PPP2R2B: variants seen among roughly 807,000 people sequenced by gnomAD.
The protein encoded by PPP2R2B is protein phosphatase 2 regulatory subunit Bbeta.
In PPP2R2B, 5 loss-of-function variants were observed where a neutral mutation model predicts 46.0. The observed-to-expected ratio is 0.11, with a 90% CI of 0.06 to 0.23. PPP2R2B has a LOEUF of 0.23. Among genes scored for constraint, PPP2R2B ranks in the 10% least tolerant of loss-of-function variants. The pLI is 1.00. For synonymous variants in PPP2R2B, 215 were observed against 206.7 expected, an observed-to-expected ratio of 1.04 and a Z score of -0.34; for missense variants, 367 against 575.0, an observed-to-expected ratio of 0.64 and a Z score of 3.70.
chr5:146,686,447 T>A (rs1248679461), intron 5 of PPP2R2B, among the ~76,000 whole-genome samples: 2 of 152,170 alleles, frequency 1.3e-5, no homozygotes, highest in Admixed American at 6.5e-5. Flanking sequence ...TGGCTTCAGA[T>A]GATCTGGAGA....
intron 2 of PPP2R2B, among the ~76,000 whole-genome samples, chr5:146,768,038 T>G (rs1754598916): frequency 6.6e-6 from 1 of 152,142 alleles, no homozygotes; most frequent in Admixed American, 6.6e-5. Context: ...GCATTGTCAT[T>G]TGAAAGGATC....
chr5:146,744,347 T>G (rs1354588536), intron 2 of PPP2R2B, among the ~76,000 whole-genome samples: 1 of 152,204 alleles, frequency 6.6e-6, no homozygotes, highest in African/African-American at 2.4e-5. Flanking sequence ...CAATGAAAGC[T>G]ATTTGCTCTT....
chr5:147,006,629 G>A (rs1323201147), intron 1 of PPP2R2B, among the ~76,000 whole-genome samples: 1 of 152,092 alleles, frequency 6.6e-6, no homozygotes, highest in Admixed American at 6.6e-5. Context: ...TTCTCAGACA[G>A]TTTGCAAGAA....
rs1330579049 is a variant in PPP2R2B, at chr5:146,586,596, G to T, written c.*3351C>A. 1 of 152,190 alleles carries T rather than the reference G, an allele frequency of 6.6e-6. No homozygotes were observed. The highest frequency in any genetic ancestry group is 1.5e-5 in the Non-Finnish European group (1 of 68,036). 9.4% of individuals were successfully genotyped at this position (152,190 alleles called of 1,614,324 possible). On this transcript the variant is annotated 3_prime_UTR_variant, in exon 10 of 10. Transcript: ENST00000394411. ...CTGACTTATTTCATTGGGCCACTGA[G>T]CTAGCAGAATTTTAGCTTCATCTTT...
At chr5:146,840,829 T>C (rs1364187621) in intron 2 of PPP2R2B, among the ~76,000 whole-genome samples, 2 of 152,210 alleles carry the variant, frequency 1.3e-5, no homozygotes, top group Non-Finnish European at 2.9e-5. Context: ...TTGTCTGTAA[T>C]GTGTGAGACA....
chr5:146,832,455 G>A (rs1296688139), intron 2 of PPP2R2B, among the ~76,000 whole-genome samples: 2 of 132,766 alleles, frequency 1.5e-5, no homozygotes, highest in Admixed American at 8.7e-5. Context: ...GCAGTGAAGC[G>A]ATGTTGGCTC....
chr5:146,790,777 G>C (rs553080191), intron 2 of PPP2R2B, among the ~76,000 whole-genome samples: 1 of 152,340 alleles, frequency 6.6e-6, no homozygotes, highest in South Asian at 2.1e-4. Context: ...GGCAGGAAGA[G>C]TGAAGCATTA....
rs187338658 is a variant in PPP2R2B at position 147,064,603 on chromosome 5, A to G, written c.50+16456T>C. Among the ~76,000 whole-genome samples, 57 of 152,328 alleles carry G rather than the reference A, an allele frequency of 3.7e-4. No homozygotes were observed. The South Asian group carries it at 0.011, about 29-fold the overall frequency. On this transcript the variant is annotated intron_variant, in intron 2 of 10. Transcript: ENST00000394413. ...TTGATTAGAATAAAGAAGAACTAAG[A>G]TCTGTGTGTAATTCTTTATACCTTA...
intron 2 of PPP2R2B, among the ~76,000 whole-genome samples, chr5:146,826,842 G>C (rs1023496456): frequency 3.3e-5 from 5 of 151,794 alleles, no homozygotes; most frequent in Non-Finnish European, 7.4e-5. Flanking sequence ...TATCACTTCT[G>C]CCTACACCAT....
At chr5:146,988,067 A>G (rs2151859856) in intron 1 of PPP2R2B, among the ~76,000 whole-genome samples, 1 of 152,136 alleles carries the variant, frequency 6.6e-6, no homozygotes, top group South Asian at 2.1e-4. Flanking sequence ...GCCGGAGGAT[A>G]TAACAGTTGT....
intron 2 of PPP2R2B, among the ~76,000 whole-genome samples, chr5:146,872,171 C>G (rs1398076331): frequency 6.6e-6 from 1 of 152,150 alleles, no homozygotes. Flanking sequence ...CTGACCAGCA[C>G]TCATAAAGGG....
chr5:146,980,612 A>G (rs1219855175), intron 1 of PPP2R2B, among the ~76,000 whole-genome samples: 4 of 152,178 alleles, frequency 2.6e-5, no homozygotes, highest in African/African-American at 7.2e-5. Flanking sequence ...GTGGAACTAG[A>G]TGGGCTGGGA....
chr5:146,913,047 C>T (rs1763249609), intron 1 of PPP2R2B, among the ~76,000 whole-genome samples: 1 of 152,154 alleles, frequency 6.6e-6, no homozygotes, highest in Non-Finnish European at 1.5e-5. Context: ...TTGCCTAATG[C>T]TTTATTTCAG....
intron 8 of PPP2R2B, among the ~76,000 whole-genome samples, chr5:146,595,488 A>G (rs1771085804): frequency 6.6e-6 from 1 of 152,228 alleles, no homozygotes; most frequent in South Asian, 2.1e-4. Flanking sequence ...AGCAGGAATG[A>G]CATTGCTGAG....
chr5:146,806,336 T>C (rs1757175667), intron 2 of PPP2R2B, among the ~76,000 whole-genome samples: 1 of 152,210 alleles, frequency 6.6e-6, no homozygotes, highest in African/African-American at 2.4e-5. Context: ...ATGCTTCATT[T>C]CCACCTTTCC....
chr5:146,722,863 G>C (rs1172000487), intron 2 of PPP2R2B, among the ~76,000 whole-genome samples: 5 of 152,128 alleles, frequency 3.3e-5, no homozygotes, highest in Non-Finnish European at 7.4e-5. Flanking sequence ...CATTTCTTTT[G>C]ATTAAAAAAC....
At chr5:146,677,804 A>G (rs1375160387) in intron 5 of PPP2R2B, among the ~76,000 whole-genome samples, 6 of 152,070 alleles carry the variant, frequency 3.9e-5, no homozygotes, top group African/African-American at 9.7e-5. Flanking sequence ...CTGGGATTAC[A>G]GGCGTGTACC....
chr5:146,742,160 G>A lies in PPP2R2B; in HGVS notation c.71-41018C>T, dbSNP rs535837386. ...TAACCATCTCAACAGCCGCCGGGGG[G>A]AACTTTGCTGTGATACTGCAGGAAA... On this transcript the variant is annotated intron_variant, in intron 2 of 9. Transcript: ENST00000394411. Among the ~76,000 whole-genome samples, 9 of 152,278 alleles carry A rather than the reference G, an allele frequency of 5.9e-5. No individual in the cohort carries two copies. In the South Asian group the frequency reaches 1.9e-3, roughly 32 times the overall value.
intron 2 of PPP2R2B, among the ~76,000 whole-genome samples, chr5:146,803,018 A>G (rs1188901151): frequency 2.6e-5 from 4 of 152,202 alleles, no homozygotes; most frequent in Non-Finnish European, 5.9e-5. Context: ...TGTCAGAGAA[A>G]GCAGGATACA....
Sources: allele counts gnomAD v4.1 joint callset (sites outside exome capture counted in the v4.1 genomes callset), GRCh38; gene constraint gnomAD v4.1.1; transcripts MANE v1.5; gene names NCBI Gene and HGNC (gene_info 2026-07-23, HGNC 2026-07-21).